NF1: variants seen among roughly 807,000 people sequenced by gnomAD.
NF1 encodes neurofibromin 1.
In NF1, 122 loss-of-function variants were observed where a neutral mutation model predicts 325.7. That is an observed-to-expected ratio of 0.37 (90% confidence interval 0.32 to 0.44). The LOEUF (loss-of-function observed/expected upper bound fraction) is 0.44, where lower values mean the gene tolerates loss of function less well. Among genes scored for constraint, NF1 ranks in the 20% least tolerant of loss-of-function variants. The probability of loss-of-function intolerance (pLI) is 1.00; values close to 1 mark genes in which losing one functional copy is unlikely to be tolerated. For synonymous variants in NF1, 1,091 were observed against 1,186.0 expected, an observed-to-expected ratio of 0.92 and a Z score of 1.65; for missense variants, 2,140 against 3,415.4, an observed-to-expected ratio of 0.63 and a Z score of 9.31.
At chr17:31,277,854 T>C (rs1209234543) in intron 36 of NF1, among the ~76,000 whole-genome samples, 1 of 152,098 alleles carries the variant, frequency 6.6e-6, no homozygotes, top group African/African-American at 2.4e-5. Flanking sequence ...CTCTTAAGAG[T>C]TTCCTTAAAA....
At chr17:31,304,282 G>A (rs1408556565) in intron 36 of NF1, 1 of 1,610,704 alleles carries the variant, frequency 6.2e-7, no homozygotes, top group South Asian at 1.1e-5. Context: ...TTCTGCAGGT[G>A]GAGGTGGCAG....
rs779931789 is a variant in NF1, at chr17:31,229,133, A to C, written c.2518A>C (p.Met840Leu). 6.2e-7 allele frequency: 1 copy of C among 1,611,926 alleles called. No individual in the cohort carries two copies. The highest frequency in any genetic ancestry group is 8.5e-7 in the Non-Finnish European group (1 of 1,179,806). Reference protein sequence around the residue: ...DTDSLQEWINMTGFLCALGGV... With the variant: ...DTDSLQEWINLTGFLCALGGV... ...AGACTCCCTACAGGAATGGATCAACATGACTGGCTTCCTTTGTGCCCTTGG... is the reference window on the plus strand; with the variant it reads ...AGACTCCCTACAGGAATGGATCAACCTGACTGGCTTCCTTTGTGCCCTTGG... The change falls in exon 21 of 58, where the codon ATG becomes CTG. Residue 840 changes from methionine to leucine, a missense_variant. Physicochemically the swap from Met to Leu is conservative, Grantham distance 15. This residue lies in a region of NF1 where 380 missense variants were observed against 639.3 expected (regional missense o/e 0.59). Coordinates refer to ENST00000358273, the MANE Select transcript of NF1 (RefSeq NM_001042492.3).
In NF1 at chr17:31,136,555, A is replaced by T. The variant is rs138307252; in HGVS notation, c.61-19428A>T. 10 of 152,248 alleles carry T rather than the reference A, an allele frequency of 6.6e-5. No homozygotes were observed. In the East Asian group the frequency reaches 1.9e-3, roughly 29 times the overall value. 9.4% of individuals were successfully genotyped at this position (152,248 alleles called of 1,614,324 possible). ...ACAGTCCTGCTTCGTCTTACTTGGGATGCAAATCATCCCTTTGTCCAGTGT... is the reference window on the plus strand; with the variant it reads ...ACAGTCCTGCTTCGTCTTACTTGGGTTGCAAATCATCCCTTTGTCCAGTGT... On this transcript the variant is annotated intron_variant, in intron 1 of 57. Coordinates refer to ENST00000358273, the MANE Select transcript of NF1 (RefSeq NM_001042492.3).
At chr17:31,222,436 A>G in intron 15 of NF1, 2 of 1,032,390 alleles carry the variant, frequency 1.9e-6, no homozygotes, top group Non-Finnish European at 2.3e-6. Flanking sequence ...TTACATTTTA[A>G]TGAGCATGAA....
Position 31,291,005 on chromosome 17 carries a change from G to GAAATAAAT in NF1, c.4835+25697_4835+25704dup, listed in dbSNP as rs35278712. ...TGAGTGACAGAGCAAGACTCTGTATGAAATAAATAAATAAATAAATAAATA... is the reference window on the plus strand; with the variant it reads ...TGAGTGACAGAGCAAGACTCTGTATGAAATAAATAAATAAATAAATAAATAAATAAATA... On this transcript the variant is annotated intron_variant, in intron 36 of 57. Coordinates refer to ENST00000358273, the MANE Select transcript of NF1 (RefSeq NM_001042492.3). 7.9e-3 allele frequency among the ~76,000 whole-genome samples: 1,185 copies of GAAATAAAT among 149,224 alleles called. 6 individuals are homozygous for GAAATAAAT. Among genetic ancestry groups the GAAATAAAT allele is most frequent in the South Asian group, 0.023 (108 of 4,698 alleles).
At chr17:31,264,890 A>T (rs1235957865) in intron 35 of NF1, among the ~76,000 whole-genome samples, 1 of 152,212 alleles carries the variant, frequency 6.6e-6, no homozygotes, top group Non-Finnish European at 1.5e-5. Context: ...GGCCTTTTTC[A>T]TCCATTCAAA....
rs1322738458 is a variant in NF1, at chr17:31,376,829, G to A, written c.*2674G>A. ...TGTTATGCCAGTACTCCCATCCGAGGGGCATGCCCTTAGTTGCCCAGATGG... is the reference window on the plus strand; with the variant it reads ...TGTTATGCCAGTACTCCCATCCGAGAGGCATGCCCTTAGTTGCCCAGATGG... On this transcript the variant is annotated 3_prime_UTR_variant, in exon 58 of 58. Transcript: ENST00000358273. 1 of 233,092 alleles carries A rather than the reference G, an allele frequency of 4.3e-6. No homozygotes were observed. The highest frequency in any genetic ancestry group is 2.2e-5 in the African/African-American group (1 of 45,330). 14.4% of individuals were successfully genotyped at this position (233,092 alleles called of 1,614,324 possible).
At chr17:31,133,111 G>A (rs1915511993) in intron 1 of NF1, 1 of 152,128 alleles carries the variant, frequency 6.6e-6, no homozygotes, top group Non-Finnish European at 1.5e-5. Context: ...TCAAAAAACT[G>A]AAACCCTTTA....
chr17:31,305,114 G>C lies in NF1; in HGVS notation c.4836-20706G>C, dbSNP rs750185521. 3 of 1,614,162 alleles carry C rather than the reference G, an allele frequency of 1.9e-6. No individual in the cohort carries two copies. In the South Asian group the frequency reaches 3.3e-5, roughly 18 times the overall value. On this transcript the variant is annotated intron_variant, in intron 36 of 57. Coordinates refer to ENST00000358273, the MANE Select transcript of NF1 (RefSeq NM_001042492.3). ...ACAGTTGATGTTGGTTGTGTGGATGGATTATGAACAGTTATTTGTTTTCTA... is the reference window on the plus strand; with the variant it reads ...ACAGTTGATGTTGGTTGTGTGGATGCATTATGAACAGTTATTTGTTTTCTA...
chr17:31,260,578 A>G, intron 34 of NF1, 63 bp downstream of exon 34: 1 of 1,566,792 alleles, frequency 6.4e-7, no homozygotes, highest in Non-Finnish European at 8.8e-7. Context: ...TAATACAATT[A>G]TTGGTCATGA....
intron 1 of NF1, among the ~76,000 whole-genome samples, chr17:31,118,292 A>ATT (rs5819917): frequency 2.8e-5 from 4 of 143,510 alleles, no homozygotes; most frequent in African/African-American, 7.7e-5. Context: ...CCAGATGCTG[A>ATT]TTTTTTTTTT....
chr17:31,259,114 T>C lies in NF1; in HGVS notation c.4415T>C (p.Phe1472Ser), dbSNP rs1597745737. Residue 1472 changes from phenylalanine to serine, a missense_variant, in exon 33 of 58, where the codon TTT (phenylalanine) becomes TCT (serine). By Grantham distance (155) the Phe-to-Ser change is radical (BLOSUM62 -2). Coordinates refer to ENST00000358273, the MANE Select transcript of NF1 (RefSeq NM_001042492.3). The stretch of plus-strand genomic sequence containing the variant: ...TTCAATGATTTTGTGAAAAGCAACT[T>C]TGATGCAGCACGCAGGTAATTTTCT... ...RPFNDFVKSN[F>S]DAARRFFLDI... 1 of 1,601,900 alleles carries C rather than the reference T, an allele frequency of 6.2e-7. No homozygotes were observed.
chr17:31,319,999 CT>C (rs2069138389), intron 36 of NF1, among the ~76,000 whole-genome samples: 1 of 152,054 alleles, frequency 6.6e-6, no homozygotes, highest in Non-Finnish European at 1.5e-5. Flanking sequence ...TGGCCCTGAG[CT>C]TGCTGGAAAC....
At chr17:31,106,028 T>A (rs1194858834) in intron 1 of NF1, among the ~76,000 whole-genome samples, 4 of 152,234 alleles carry the variant, frequency 2.6e-5, no homozygotes, top group Non-Finnish European at 2.9e-5. Context: ...CTCTTAATGA[T>A]CTCAAGTGGT....
At chr17:31,212,252 T>G (rs1343549278) in intron 12 of NF1, among the ~76,000 whole-genome samples, 1 of 152,212 alleles carries the variant, frequency 6.6e-6, no homozygotes, top group East Asian at 1.9e-4. Flanking sequence ...GTCTTCCACC[T>G]CCACATCTGC....
intron 1 of NF1, among the ~76,000 whole-genome samples, chr17:31,135,076 C>T (rs1165264153): frequency 6.6e-6 from 1 of 152,124 alleles, no homozygotes; most frequent in Non-Finnish European, 1.5e-5. Context: ...GTGATTTTTA[C>T]ATAGGAGTTT....
chr17:31,298,110 G>A (rs556202049), intron 36 of NF1, among the ~76,000 whole-genome samples: 2 of 152,192 alleles, frequency 1.3e-5, no homozygotes, highest in East Asian at 3.9e-4. Context: ...TTTAAGAATA[G>A]CAGTATCAAT....
chr17:31,238,746 AAAG>A (rs1204786833), intron 29 of NF1, among the ~76,000 whole-genome samples: 3 of 151,952 alleles, frequency 2.0e-5, no homozygotes, highest in Admixed American at 6.6e-5. Context: ...AAAAAAAAAA[AAAG>A]AAACTCTTTG....
chr17:31,328,779 G>A (rs2069409620), intron 38 of NF1, among the ~76,000 whole-genome samples: 1 of 151,982 alleles, frequency 6.6e-6, no homozygotes, highest in South Asian at 2.1e-4. Flanking sequence ...GGGCCTTTTA[G>A]GATTCCAAAT....
Sources: allele counts gnomAD v4.1 joint callset (sites outside exome capture counted in the v4.1 genomes callset), GRCh38; gene constraint gnomAD v4.1.1; regional missense constraint gnomAD v4.1.1; transcripts MANE v1.5; gene names NCBI Gene and HGNC (gene_info 2026-07-23, HGNC 2026-07-21).